Variants in TTC28 observed in about 807,000 individuals in gnomAD.
TTC28 encodes tetratricopeptide repeat protein 28.
In TTC28, 61 loss-of-function variants were observed where a neutral mutation model predicts 198.0. The observed-to-expected ratio is 0.31, with a 90% CI of 0.25 to 0.38. TTC28 has a LOEUF of 0.38. TTC28 is among the 10% of genes least tolerant of loss of function. TTC28 has a pLI of 1.00. For synonymous variants in TTC28, 1,171 were observed against 1,297.8 expected (o/e 0.90, Z 2.10); for missense variants, 2,678 against 3,164.0 (o/e 0.85, Z 3.69).
At chr22:28,531,030 A>G (rs1446400028) in intron 2 of TTC28, among the ~76,000 whole-genome samples, 1 of 152,190 alleles carries the variant, frequency 6.6e-6, no homozygotes, top group Non-Finnish European at 1.5e-5. Context: ...CTGACATCAT[A>G]ATGACAGGAT....
At chr22:28,528,387 G>C (rs2049053100) in intron 2 of TTC28, among the ~76,000 whole-genome samples, 1 of 151,888 alleles carries the variant, frequency 6.6e-6, no homozygotes, top group Non-Finnish European at 1.5e-5. Context: ...GATCGTTAAG[G>C]ATGCATATAG....
At chr22:28,460,601 T>C (rs1220137614) in intron 2 of TTC28, among the ~76,000 whole-genome samples, 1 of 147,792 alleles carries the variant, frequency 6.8e-6, no homozygotes, top group Non-Finnish European at 1.5e-5. Context: ...GGATAGATGA[T>C]TAATGGTAGA....
intron 4 of TTC28, among the ~76,000 whole-genome samples, chr22:28,297,134 T>C (rs2044913873): frequency 6.6e-6 from 1 of 152,122 alleles, no homozygotes; most frequent in Non-Finnish European, 1.5e-5. Flanking sequence ...GCTGGCACCT[T>C]GTTATATGAG....
At chr22:28,083,665 C>A (rs528520135) in intron 12 of TTC28, among the ~76,000 whole-genome samples, 7 of 152,300 alleles carry the variant, frequency 4.6e-5, no homozygotes, top group African/African-American at 1.7e-4. Context: ...ACAGCAGGTG[C>A]AGGACAGCGG....
chr22:28,434,177 G>T (rs2047479762), intron 2 of TTC28, among the ~76,000 whole-genome samples: 1 of 152,042 alleles, frequency 6.6e-6, no homozygotes, highest in South Asian at 2.1e-4. Flanking sequence ...TATTTTAAAA[G>T]AAATAAAACA....
At chr22:28,445,983 G>C (rs1187634042) in intron 2 of TTC28, among the ~76,000 whole-genome samples, 1 of 152,114 alleles carries the variant, frequency 6.6e-6, no homozygotes. Context: ...AGTGAACAGT[G>C]TCTGACACAC....
intron 2 of TTC28, among the ~76,000 whole-genome samples, chr22:28,550,701 A>C (rs1034000563): frequency 6.6e-6 from 1 of 152,180 alleles, no homozygotes; most frequent in Admixed American, 6.5e-5. Context: ...GCGAAGGTTT[A>C]ATAGACTAGC....
chr22:28,232,946 C>T (rs1928927967), intron 5 of TTC28: 1 of 151,820 alleles, frequency 6.6e-6, no homozygotes, highest in South Asian at 2.1e-4. Context: ...ACTAAAAATA[C>T]AAAAAATTAG....
chr22:27,999,460 G>A, intron 15 of TTC28, 200 bp from the exon 16 acceptor site: 1 of 778,702 alleles, frequency 1.3e-6, no homozygotes, highest in Non-Finnish European at 2.0e-6. Context: ...CATGCCTGCT[G>A]TGATGAGCCC....
intron 5 of TTC28, among the ~76,000 whole-genome samples, chr22:28,167,827 C>T (rs1055568749): frequency 6.6e-6 from 1 of 152,214 alleles, no homozygotes; most frequent in South Asian, 2.1e-4. Context: ...CCAGGGCAAT[C>T]AGGCAGGAGA....
intron 1 of TTC28, among the ~76,000 whole-genome samples, chr22:28,658,594 A>C (rs1360360107): frequency 1.3e-5 from 2 of 152,228 alleles, no homozygotes; most frequent in African/African-American, 2.4e-5. Context: ...ATGAAGAGTT[A>C]TAGAGATGGA....
chr22:28,493,643 A>T (rs1404696182), intron 2 of TTC28, among the ~76,000 whole-genome samples: 1 of 152,210 alleles, frequency 6.6e-6, no homozygotes, highest in Non-Finnish European at 1.5e-5. Context: ...CTAACATCAC[A>T]AAAAGAAAAA....
intron 2 of TTC28, among the ~76,000 whole-genome samples, chr22:28,549,414 C>T (rs1368840919): frequency 6.6e-6 from 1 of 152,142 alleles, no homozygotes; most frequent in Non-Finnish European, 1.5e-5. Flanking sequence ...TTTAAGGGCT[C>T]TAAGTTTCTT....
chr22:28,001,598 C>A (rs780038298), intron 14 of TTC28, 45 bp from the exon 15 acceptor site: 1 of 1,531,690 alleles, frequency 6.5e-7, no homozygotes, highest in South Asian at 1.2e-5. Context: ...GCCCAGCAGG[C>A]AGGGGTTTCA....
At chr22:27,999,400 C>G in intron 15 of TTC28, 140 bp from the exon 16 acceptor site, 4 of 1,274,598 alleles carry the variant, frequency 3.1e-6, no homozygotes, top group Non-Finnish European at 4.2e-6. Context: ...ACCACATTCA[C>G]TCTTATTTTT....
chr22:28,662,160 G>C (rs1443658355), intron 1 of TTC28, among the ~76,000 whole-genome samples: 3 of 152,118 alleles, frequency 2.0e-5, no homozygotes, highest in Non-Finnish European at 4.4e-5. Context: ...AATACTGCTT[G>C]ATCAGTATTA....
At chr22:28,478,802 G>A (rs1044704179) in intron 2 of TTC28, among the ~76,000 whole-genome samples, 1 of 152,062 alleles carries the variant, frequency 6.6e-6, no homozygotes, top group South Asian at 2.1e-4. Context: ...AGCTCACTGA[G>A]GTCTCAGTTA....
intron 13 of TTC28, among the ~76,000 whole-genome samples, chr22:28,018,299 G>GTGTGTGTGTGCGCGCGCGCGCGCA (rs1938456097): frequency 9.9e-6 from 1 of 101,376 alleles, no homozygotes; most frequent in African/African-American, 4.4e-5. Flanking sequence ...GCGCGTGTGT[G>GTGTGTGTGTGCGCGCGCGCGCGCA]CGCGCGCGGG....
chr22:28,505,639 T>A (rs2048601372), intron 2 of TTC28, among the ~76,000 whole-genome samples: 2 of 152,160 alleles, frequency 1.3e-5, no homozygotes, highest in African/African-American at 4.8e-5. Flanking sequence ...CTATGTGAAG[T>A]ATCTGCAGAG....
Sources: allele counts gnomAD v4.1 joint callset (sites outside exome capture counted in the v4.1 genomes callset), GRCh38; gene constraint gnomAD v4.1.1; transcripts MANE v1.5; gene names NCBI Gene and HGNC (gene_info 2026-07-23, HGNC 2026-07-21).